The following ZNF175 variants were observed in gnomAD, a reference collection of about 807,000 sequenced individuals.
ZNF175 encodes zinc finger protein 175.
ZNF175 carries 8 observed loss-of-function variants against 14.0 expected under a neutral mutation model. The observed-to-expected ratio is 0.57, with a 90% confidence interval of 0.34 to 1.03. ZNF175 has a LOEUF of 1.03. Ranked by LOEUF, ZNF175 falls within the 50% of genes least tolerant of loss-of-function variation. The pLI is 0.03. For synonymous variants in ZNF175, 255 were observed against 296.8 expected, an observed-to-expected ratio of 0.86 and a Z score of 1.45; for missense variants, 764 against 849.5, an observed-to-expected ratio of 0.90 and a Z score of 1.25.
Position 51,592,416 on chromosome 19 carries a change from G to C in ZNF175, c.*3949G>C. ...AAAGTCAAGCATTAGAATGGTGGCT[G>C]TCCACCATGAGTACAACACAAATGC... On this transcript the variant is annotated 3_prime_UTR_variant, in exon 5 of 5. Transcript: ENST00000262259. 2.1e-6 allele frequency: 1 copy of C among 484,460 alleles called. No homozygotes were observed. Among genetic ancestry groups the C allele is most frequent in the Non-Finnish European group, 3.6e-6 (1 of 278,628 alleles). The allele number at this position is 484,460 out of a possible 1,614,324, so 30.0% of individuals were successfully genotyped here. A position where few individuals can be genotyped will look rare whatever the true frequency, so the allele number is the denominator to read the frequency against.
rs78914994 is a variant in ZNF175, at chr19:51,579,114, A to G, written c.73-2277A>G. Among the ~76,000 whole-genome samples, 596 of 152,022 alleles carry G rather than the reference A, an allele frequency of 3.9e-3. 26 individuals are homozygous for G. In the East Asian group the frequency reaches 0.079, roughly 20 times the overall value. On this transcript the variant is annotated intron_variant, in intron 2 of 4. Transcript: ENST00000262259. ...CTAAAAATACAAAAATTAGCCAGGC[A>G]TGTTGGCAGGCACCTGTAATCCCAG...
Position 51,588,400 on chromosome 19 carries a change from A to T in ZNF175, c.2069A>T (p.Gln690Leu). Residue 690 changes from glutamine to leucine, a missense_variant, in exon 5 of 5, where the codon CAA becomes CTA. Physicochemically the swap from Gln to Leu is moderately radical, Grantham distance 113 (BLOSUM62 -2). Transcript: ENST00000262259. ...AACAGGTCAAACTTCAATAAACACC[A>T]AACAACTCATACCAGAGACAAATCT... is the stretch of plus-strand genomic sequence containing the variant. ...FNNRSNFNKHQTTHTRDKSYK... is the reference protein window; with the variant it reads ...FNNRSNFNKHLTTHTRDKSYK... 6.2e-7 allele frequency: 1 copy of T among 1,608,712 alleles called. No individual in the cohort carries two copies.
Position 51,586,710 on chromosome 19 carries a change from A to G in ZNF175, c.379A>G (p.Arg127Gly). 6.2e-7 allele frequency: 1 copy of G among 1,614,114 alleles called. No homozygotes were observed. The highest frequency in any genetic ancestry group is 8.5e-7 in the Non-Finnish European group (1 of 1,179,918). The change falls in exon 5 of 5, where the codon AGA becomes GGA. Residue 127 changes from arginine (R) to glycine (G), a missense_variant. Transcript: ENST00000262259. ...AAAGGATATGGTAGGTGAGTTCACA[A>G]GAGATGGTTCATGGTGTTCCATTTT... ...FQKDMVGEFT[R>G]DGSWCSILEE...
In ZNF175 at chr19:51,573,133, C is replaced by T; in HGVS notation, c.-180-17C>T. ...TGAATGTTGAATGAGTGACCATGTA[C>T]TCATTGCTTTTCCAAGGCTTCTGCA... On this transcript the variant is annotated splice_polypyrimidine_tract_variant and intron_variant, in intron 1 of 4. Coordinates refer to ENST00000262259, the MANE Select transcript of ZNF175 (RefSeq NM_007147.4). The T allele has an allele frequency of 1.6e-6, 1 of 607,438 alleles. No individual in the cohort carries two copies. The highest frequency in any genetic ancestry group is 1.9e-5 in the African/African-American group (1 of 52,842). The allele number at this position is 607,438 out of a possible 1,614,324, so 37.6% of individuals were successfully genotyped here. A position where few individuals can be genotyped will look rare whatever the true frequency, so the allele number is the denominator to read the frequency against.
Position 51,577,813 on chromosome 19 carries a change from G to A in ZNF175, c.73-3578G>A, listed in dbSNP as rs544857353. The stretch of plus-strand genomic sequence containing the variant: ...CGAGTAGCTGGGACTAAAGGCGCCC[G>A]CCACCACACCAAGCTAATTTTTTGT... On this transcript the variant is annotated intron_variant, in intron 2 of 4. Coordinates refer to ENST00000262259, the MANE Select transcript of ZNF175 (RefSeq NM_007147.4). 6.4e-3 allele frequency among the ~76,000 whole-genome samples: 979 copies of A among 151,810 alleles called. 8 individuals are homozygous for A. Among genetic ancestry groups the A allele is most frequent in the South Asian group, 0.032 (153 of 4,790 alleles).
rs1374013789 is a variant in ZNF175, at chr19:51,591,403, G to T, written c.*2936G>T. 6.6e-6 allele frequency: 1 copy of T among 152,236 alleles called. No individual in the cohort carries two copies. The highest frequency in any genetic ancestry group is 1.5e-5 in the Non-Finnish European group (1 of 68,060). The allele number at this position is 152,236 out of a possible 1,614,324, so 9.4% of individuals were successfully genotyped here. A position where few individuals can be genotyped will look rare whatever the true frequency, so the allele number is the denominator to read the frequency against. On this transcript the variant is annotated 3_prime_UTR_variant, in exon 5 of 5. Coordinates refer to ENST00000262259, the MANE Select transcript of ZNF175 (RefSeq NM_007147.4). ...CCCAGGGAGCTATCTAAAGTTTTCA[G>T]TCACATGAGGGCATGCTCACAGATC... is the stretch of plus-strand genomic sequence containing the variant.
chr19:51,579,137 C>T (rs558710402), intron 2 of ZNF175, among the ~76,000 whole-genome samples: 1 of 151,828 alleles, frequency 6.6e-6, no homozygotes, highest in Non-Finnish European at 1.5e-5. Context: ...CCTGTAATCC[C>T]AGCTACTTGG....
chr19:51,580,379 C>T (rs1164954347), intron 2 of ZNF175, among the ~76,000 whole-genome samples: 2 of 152,242 alleles, frequency 1.3e-5, no homozygotes, highest in East Asian at 3.9e-4. Context: ...CAGCCTACTC[C>T]TCCATTATAA....
At position 51,573,373 on chromosome 19, in the gene ZNF175, G is replaced by C. The variant is rs1271775676; in HGVS notation, c.44G>C (p.Gly15Ala). The C allele has an allele frequency of 6.2e-7, 1 of 1,612,268 alleles. No individual in the cohort carries two copies. The highest frequency in any genetic ancestry group is 1.7e-5 in the Admixed American group (1 of 59,656). ...VNLSQKPQVL[G>A]PEKQDGSCEA... ...TTATCCCAGAAGCCTCAGGTCCTGGGTCCAGAGAAGCAGGATGGATCTTGC... is the reference window on the plus strand; with the variant it reads ...TTATCCCAGAAGCCTCAGGTCCTGGCTCCAGAGAAGCAGGATGGATCTTGC... The change falls in exon 2 of 5, where the codon GGT becomes GCT. Residue 15 changes from glycine (G) to alanine (A), a missense_variant. By Grantham distance (60) the Gly-to-Ala change is moderately conservative. Coordinates refer to ENST00000262259, the MANE Select transcript of ZNF175 (RefSeq NM_007147.4).
chr19:51,586,970 T>C lies in ZNF175; in HGVS notation c.639T>C (p.Gly213=). 2 of 1,614,150 alleles carry C rather than the reference T, an allele frequency of 1.2e-6. No homozygotes were observed. Among genetic ancestry groups the C allele is most frequent in the African/African-American group, 2.7e-5 (2 of 75,028 alleles). Reference sequence around the variant, plus strand: ...TGAAGCTGAACCTAGAAGTGAACGGTCAGAATGAAAGCAATGACACAGAAC... The same window carrying C: ...TGAAGCTGAACCTAGAAGTGAACGGCCAGAATGAAAGCAATGACACAGAAC... The part of the protein sequence containing the change: ...ESLKLNLEVN[G]QNESNDTEQL... Residue 213 remains glycine (G), a synonymous_variant, in exon 5 of 5, where the codon GGT becomes GGC. Transcript: ENST00000262259.
chr19:51,577,942 C>G (rs978824555), intron 2 of ZNF175, among the ~76,000 whole-genome samples: 1 of 151,476 alleles, frequency 6.6e-6, no homozygotes, highest in Non-Finnish European at 1.5e-5. Context: ...GGATTACAGG[C>G]GTGAGCCACC....
intron 2 of ZNF175, among the ~76,000 whole-genome samples, chr19:51,580,155 A>G (rs1278320881): frequency 6.6e-6 from 1 of 152,152 alleles, no homozygotes; most frequent in Non-Finnish European, 1.5e-5. Flanking sequence ...TTCACGGTTC[A>G]TGTTTTATTT....
Position 51,581,809 on chromosome 19 carries a change from G to A in ZNF175, c.222G>A (p.Glu74=), listed in dbSNP as rs1982013310. 1.2e-6 allele frequency: 2 copies of A among 1,613,950 alleles called. No homozygotes were observed. ...CAGGGTATCACATTCCCAACCCAGA[G>A]GTCATCTTCAGAATGCTAAAAGAAA... ...FAVGYHIPNP[E]VIFRMLKEKE... The change falls in exon 4 of 5, where the codon GAG becomes GAA. Residue 74 remains glutamate, a synonymous_variant. Coordinates refer to ENST00000262259, the MANE Select transcript of ZNF175 (RefSeq NM_007147.4).
At chr19:51,573,717 A>G (rs1745585604) in intron 2 of ZNF175, 2 of 417,686 alleles carry the variant, frequency 4.8e-6, no homozygotes, top group Non-Finnish European at 8.3e-6. Context: ...TCCTTCATCC[A>G]CCACTGGGTC....
Position 51,583,726 on chromosome 19 carries a change from C to T in ZNF175, c.295+1844C>T, listed in dbSNP as rs143963834. On this transcript the variant is annotated intron_variant, in intron 4 of 4. Coordinates refer to ENST00000262259, the MANE Select transcript of ZNF175 (RefSeq NM_007147.4). ...TCCTACTGTGTAGGATTAACAAATTCTTTTCAGTGATATTGTCCTCATGGC... is the reference window on the plus strand; with the variant it reads ...TCCTACTGTGTAGGATTAACAAATTTTTTTCAGTGATATTGTCCTCATGGC... Among the ~76,000 whole-genome samples the T allele has an allele frequency of 5.1e-3, 772 of 152,242 alleles. 7 individuals are homozygous for T. Among genetic ancestry groups the T allele is most frequent in the Non-Finnish European group, 8.9e-3 (607 of 68,022 alleles).
At position 51,587,003 on chromosome 19, in the gene ZNF175, T is replaced by C. The variant is rs772885221; in HGVS notation, c.672T>C (p.Asp224=). Residue 224 remains aspartate (D), a synonymous_variant, in exon 5 of 5, where the codon GAT becomes GAC. Transcript: ENST00000262259. ...QNESNDTEQL[D]DVVGSGQLFS... is the part of the protein sequence containing the mutation. Reference sequence around the variant, plus strand: ...AAAGCAATGACACAGAACAGCTTGATGACGTTGTTGGGTCTGGTCAGCTAT... The same window carrying C: ...AAAGCAATGACACAGAACAGCTTGACGACGTTGTTGGGTCTGGTCAGCTAT... 12 of 1,614,116 alleles carry C rather than the reference T, an allele frequency of 7.4e-6. No individual in the cohort carries two copies. The highest frequency in any genetic ancestry group is 2.2e-5 in the South Asian group (2 of 91,088).
rs2122578968 is a variant in ZNF175, at chr19:51,587,943, A to G, written c.1612A>G (p.Lys538Glu). 6.2e-7 allele frequency: 1 copy of G among 1,614,218 alleles called. No individual in the cohort carries two copies. The highest frequency in any genetic ancestry group is 8.5e-7 in the Non-Finnish European group (1 of 1,180,018). Residue 538 changes from lysine (K) to glutamate (E), a missense_variant, in exon 5 of 5, where the codon AAA (lysine) becomes GAA (glutamate). Coordinates refer to ENST00000262259, the MANE Select transcript of ZNF175 (RefSeq NM_007147.4). ...ERHHVCSECG[K>E]AFNQKSILSM... Reference sequence around the variant, plus strand: ...ACACCATGTATGCAGTGAATGCGGGAAAGCCTTCAACCAGAAGTCAATACT... The same window carrying G: ...ACACCATGTATGCAGTGAATGCGGGGAAGCCTTCAACCAGAAGTCAATACT...
intron 3 of ZNF175, 44 bp from the exon 4 acceptor site, chr19:51,581,742 AC>A (rs1427235455): frequency 1.9e-6 from 3 of 1,601,584 alleles, no homozygotes; most frequent in Non-Finnish European, 8.5e-7. Flanking sequence ...GGCCTCTAAA[AC>A]TGAAGAAGCT....
At chr19:51,586,128 A>C (rs1468610006) in intron 4 of ZNF175, among the ~76,000 whole-genome samples, 1 of 152,090 alleles carries the variant, frequency 6.6e-6, no homozygotes, top group Admixed American at 6.5e-5. Context: ...TTCATCTCTG[A>C]AAGTTAATGA....
Sources: allele counts gnomAD v4.1 joint callset (sites outside exome capture counted in the v4.1 genomes callset), GRCh38; gene constraint gnomAD v4.1.1; transcripts MANE v1.5; gene names NCBI Gene and HGNC (gene_info 2026-07-23, HGNC 2026-07-21).